Variants in HYAL4 observed in about 807,000 individuals in gnomAD.
HYAL4 encodes the protein hyaluronidase 4.
A neutral mutation model predicts 35.2 loss-of-function variants in HYAL4; 37 were observed. The observed-to-expected ratio is 1.05, with a 90% CI of 0.81 to 1.38. The LOEUF (loss-of-function observed/expected upper bound fraction) is 1.38, where lower values mean the gene tolerates loss of function less well. HYAL4 is among the 40% of genes most tolerant of loss of function. The pLI is 0.00. For missense variants in HYAL4, 572 were observed against 572.4 expected (o/e 1.00, Z 0.01); for synonymous variants, 198 against 203.2 (o/e 0.97, Z 0.22).
chr7:123,783,323 G>T, the HYAL4 span, among the ~76,000 whole-genome samples: 1 of 152,040 alleles, frequency 6.6e-6, no homozygotes. Context: ...AATTTTTATT[G>T]ATTGGTTGTT....
chr7:123,832,485 T>C (rs1805900359), intron 1 of HYAL4, among the ~76,000 whole-genome samples: 3 of 28,724 alleles, frequency 1.0e-4, no homozygotes, highest in Non-Finnish European at 2.2e-4. Context: ...CATACTTTTT[T>C]TTTTTTTTTT....
chr7:123,830,390 C>T (rs1037546592), intron 1 of HYAL4, among the ~76,000 whole-genome samples: 1 of 152,162 alleles, frequency 6.6e-6, no homozygotes, highest in Admixed American at 6.5e-5. Context: ...ATCACTTTAG[C>T]AAATAAAACC....
At chr7:123,833,076 C>T (rs1431095233) in intron 1 of HYAL4, among the ~76,000 whole-genome samples, 2 of 152,030 alleles carry the variant, frequency 1.3e-5, no homozygotes, top group East Asian at 3.9e-4. Context: ...GCAATGACTT[C>T]TTTTCCTCTG....
At chr7:123,765,277 ATGT>A in the HYAL4 span, among the ~76,000 whole-genome samples, 159 of 152,320 alleles carry the variant, frequency 1.0e-3, 1 homozygote, top group Admixed American at 3.7e-3. Context: ...GTATAGAAAA[ATGT>A]TGTTCTCTAA....
chr7:123,799,448 T>A, the HYAL4 span, among the ~76,000 whole-genome samples: 6 of 149,850 alleles, frequency 4.0e-5, no homozygotes, highest in Admixed American at 1.3e-4. Flanking sequence ...AAAATAAAAT[T>A]AAATTATAAA....
chr7:123,849,493 G>A (rs1365346722), intron 2 of HYAL4, among the ~76,000 whole-genome samples: 1 of 152,008 alleles, frequency 6.6e-6, no homozygotes, highest in African/African-American at 2.4e-5. Flanking sequence ...GTACAGACAG[G>A]GTTTCATCAT....
the HYAL4 span, among the ~76,000 whole-genome samples, chr7:123,800,310 C>T: frequency 6.7e-6 from 1 of 150,250 alleles, no homozygotes; most frequent in South Asian, 2.1e-4. Flanking sequence ...GCTGGGACTA[C>T]GGGCACCCGC....
upstream of HYAL4, among the ~76,000 whole-genome samples, chr7:123,840,348 A>G (rs1038669117): frequency 6.6e-6 from 1 of 151,844 alleles, no homozygotes; most frequent in African/African-American, 2.4e-5. Flanking sequence ...TGGTCTATAT[A>G]TCTGTTTTGG....
In HYAL4 at chr7:123,868,910, G is replaced by C; in HGVS notation, c.637G>C (p.Gly213Arg). ...IKLGIKSRPK[G>R]LWGYYLYPDC... is the part of the protein sequence containing the mutation. ...ATTGGGAATTAAGAGCCGACCCAAAGGCCTTTGGGGTTATTATTTATATCC... is the reference window on the plus strand; with the variant it reads ...ATTGGGAATTAAGAGCCGACCCAAACGCCTTTGGGGTTATTATTTATATCC... Residue 213 changes from glycine to arginine, a missense_variant, in exon 3 of 5, where the codon GGC (glycine) becomes CGC (arginine). Transcript: ENST00000223026. The C allele has an allele frequency of 6.2e-7, 1 of 1,614,168 alleles. No individual in the cohort carries two copies. Among genetic ancestry groups the C allele is most frequent in the Non-Finnish European group, 8.5e-7 (1 of 1,180,032 alleles).
At chr7:123,775,144 C>T in the HYAL4 span, among the ~76,000 whole-genome samples, 1 of 152,042 alleles carries the variant, frequency 6.6e-6, no homozygotes, top group Non-Finnish European at 1.5e-5. Flanking sequence ...TTAAAAATGC[C>T]TTGAGAGGCC....
At chr7:123,848,913 G>A (rs1191360354) in intron 2 of HYAL4, among the ~76,000 whole-genome samples, 2 of 152,038 alleles carry the variant, frequency 1.3e-5, no homozygotes, top group African/African-American at 2.4e-5. Context: ...TAAAGTGACT[G>A]AATATTTAGA....
At chr7:123,843,172 G>A (rs944132225), upstream of HYAL4, among the ~76,000 whole-genome samples, 2 of 151,950 alleles carry the variant, frequency 1.3e-5, no homozygotes, top group Non-Finnish European at 2.9e-5. Context: ...CTTCCTTCAG[G>A]AGTTCTTGTA....
At chr7:123,784,080 G>T in the HYAL4 span, among the ~76,000 whole-genome samples, 1 of 152,272 alleles carries the variant, frequency 6.6e-6, no homozygotes, top group Admixed American at 6.5e-5. Flanking sequence ...GTGTAAAAGA[G>T]AGTTTAATTC....
upstream of HYAL4, chr7:123,844,174 G>A (rs547034722): frequency 1.3e-5 from 2 of 152,048 alleles, no homozygotes; most frequent in Non-Finnish European, 2.9e-5. Context: ...ACCTACAGAT[G>A]GGGTTTTGGT....
At chr7:123,842,227 T>C (rs1419340925), upstream of HYAL4, among the ~76,000 whole-genome samples, 1 of 152,064 alleles carries the variant, frequency 6.6e-6, no homozygotes, top group Non-Finnish European at 1.5e-5. Context: ...AAAGAACATC[T>C]TTATTCCTGC....
the HYAL4 span, among the ~76,000 whole-genome samples, chr7:123,778,523 G>A: frequency 6.6e-6 from 1 of 151,058 alleles, no homozygotes; most frequent in Non-Finnish European, 1.5e-5. Context: ...TTTTAAGAGC[G>A]TGGGCCTCTT....
intron 1 of HYAL4, chr7:123,829,376 A>G (rs2116904220): frequency 6.6e-6 from 1 of 152,210 alleles, no homozygotes; most frequent in South Asian, 2.1e-4. Flanking sequence ...AGCCCTTACT[A>G]CAATGCCAAT....
chr7:123,777,637 G>GA, the HYAL4 span, among the ~76,000 whole-genome samples: 1 of 152,084 alleles, frequency 6.6e-6, no homozygotes, highest in African/African-American at 2.4e-5. Flanking sequence ...CTTAAGCACT[G>GA]TTAGCACCTG....
At chr7:123,827,322 G>A (rs1031920082), upstream of HYAL4, among the ~76,000 whole-genome samples, 1 of 152,202 alleles carries the variant, frequency 6.6e-6, no homozygotes. Flanking sequence ...ATTTCAAGGA[G>A]GGCGGCTGCA....
Sources: allele counts gnomAD v4.1 joint callset (sites outside exome capture counted in the v4.1 genomes callset), GRCh38; gene constraint gnomAD v4.1.1; transcripts MANE v1.5; gene names NCBI Gene and HGNC (gene_info 2026-07-23, HGNC 2026-07-21).